ZC3H18: variants seen among roughly 807,000 people sequenced by gnomAD.
ZC3H18 encodes zinc finger CCCH domain-containing protein 18.
ZC3H18 carries 8 observed loss-of-function variants against 106.1 expected under a neutral mutation model. The observed-to-expected ratio is 0.08, with a 90% CI of 0.04 to 0.14. The LOEUF (loss-of-function observed/expected upper bound fraction) is 0.14, where lower values mean the gene tolerates loss of function less well. Among genes scored for constraint, ZC3H18 ranks in the 10% least tolerant of loss-of-function variants. The pLI, the probability that ZC3H18 is intolerant of heterozygous loss-of-function variation, is 1.00. For missense variants in ZC3H18, 1,318 were observed against 1,278.4 expected, an observed-to-expected ratio of 1.03 and a Z score of -0.47; for synonymous variants, 635 against 522.1, an observed-to-expected ratio of 1.22 and a Z score of -2.95.
At chr16:88,584,362 C>A (rs930076516) in intron 2 of ZC3H18, among the ~76,000 whole-genome samples, 1 of 150,236 alleles carries the variant, frequency 6.7e-6, no homozygotes, top group South Asian at 2.1e-4. Flanking sequence ...GCAGAGGTTG[C>A]AGTGAACCGA....
In ZC3H18 at chr16:88,577,734, T is replaced by C. The variant is rs761310056; in HGVS notation, c.603+8T>C. Reference sequence around the variant, plus strand: ...GATGATGGGGAAATAGACGTGAGTATGATGGAGCAGAGCGTCGCGGGGCAT... The same window carrying C: ...GATGATGGGGAAATAGACGTGAGTACGATGGAGCAGAGCGTCGCGGGGCAT... On this transcript the variant is annotated splice_region_variant and intron_variant, in intron 2 of 17. Transcript: ENST00000301011. 2 of 1,612,888 alleles carry C rather than the reference T, an allele frequency of 1.2e-6. No homozygotes were observed. Among genetic ancestry groups the C allele is most frequent in the Non-Finnish European group, 1.7e-6 (2 of 1,180,018 alleles).
chr16:88,577,250 G>C lies in ZC3H18; in HGVS notation c.127G>C (p.Val43Leu), dbSNP rs774887002. 6.2e-7 allele frequency: 1 copy of C among 1,613,510 alleles called. No homozygotes were observed. Among genetic ancestry groups the C allele is most frequent in the Non-Finnish European group, 8.5e-7 (1 of 1,179,854 alleles). ...GSDQDLDGAGVRASDLEDEES... is the reference protein window; with the variant it reads ...GSDQDLDGAGLRASDLEDEES... ...CGATCAGGATTTGGACGGGGCGGGGGTGAGGGCTTCTGATCTGGAGGATGA... is the reference window on the plus strand; with the variant it reads ...CGATCAGGATTTGGACGGGGCGGGGCTGAGGGCTTCTGATCTGGAGGATGA... The change falls in exon 2 of 18, where the codon GTG (valine) becomes CTG (leucine). Residue 43 changes from valine (V) to leucine (L), a missense_variant. Coordinates refer to ENST00000301011, the MANE Select transcript of ZC3H18 (RefSeq NM_144604.4).
chr16:88,599,665 C>T (rs1451602385), intron 5 of ZC3H18, 126 bp from the exon 6 acceptor site: 5 of 1,171,450 alleles, frequency 4.3e-6, no homozygotes, highest in Admixed American at 2.3e-5. Context: ...CCCTTGAGCA[C>T]TTGCAGCGTG....
Position 88,577,046 on chromosome 16 carries a change from A to T in ZC3H18, c.-14-64A>T, listed in dbSNP as rs568299014. 7.3e-5 allele frequency: 109 copies of T among 1,488,550 alleles called. 1 individual carries two copies. In the African/African-American group the frequency reaches 1.3e-3, roughly 17 times the overall value. The allele number at this position is 1,488,550 out of a possible 1,614,324, so 92.2% of individuals were successfully genotyped here. A position where few individuals can be genotyped will look rare whatever the true frequency, so the allele number is the denominator to read the frequency against. ...AAGTCCTGCTGCTTCAGGCCAGGAAAGTAGGGACAAGGTTTGTTTTCCATT... is the reference window on the plus strand; with the variant it reads ...AAGTCCTGCTGCTTCAGGCCAGGAATGTAGGGACAAGGTTTGTTTTCCATT... On this transcript the variant is annotated intron_variant, in intron 1 of 17. Transcript: ENST00000301011.
intron 8 of ZC3H18, among the ~76,000 whole-genome samples, chr16:88,618,110 TGTGA>T (rs1178662277): frequency 6.6e-6 from 1 of 152,142 alleles, no homozygotes; most frequent in African/African-American, 2.4e-5. Context: ...CTCTTGCAGG[TGTGA>T]GTGAGGCCGC....
intron 7 of ZC3H18, among the ~76,000 whole-genome samples, chr16:88,610,479 G>A (rs971815341): frequency 6.6e-6 from 1 of 152,186 alleles, no homozygotes; most frequent in African/African-American, 2.4e-5. Context: ...CCTGGGCAGG[G>A]TACCCTGGAA....
At chr16:88,621,738 G>A (rs538978919) in intron 8 of ZC3H18, among the ~76,000 whole-genome samples, 10 of 152,108 alleles carry the variant, frequency 6.6e-5, no homozygotes, top group Non-Finnish European at 1.0e-4. Flanking sequence ...TAATCCACCC[G>A]CCTCGTCCTC....
chr16:88,618,966 A>G (rs1905792269), intron 8 of ZC3H18, among the ~76,000 whole-genome samples: 2 of 152,056 alleles, frequency 1.3e-5, no homozygotes, highest in Admixed American at 1.3e-4. Context: ...TGGGGCACCC[A>G]TGTTGTGTGT....
intron 6 of ZC3H18, 143 bp downstream of exon 6, chr16:88,600,091 C>A: frequency 1.9e-6 from 2 of 1,075,184 alleles, no homozygotes; most frequent in Non-Finnish European, 1.3e-6. Context: ...TTCCTGAGAG[C>A]ATTCAGGCAC....
At chr16:88,600,066 G>GAGACTCCAGT in intron 6 of ZC3H18, 118 bp downstream of exon 6, 1 of 1,295,452 alleles carries the variant, frequency 7.7e-7, no homozygotes, top group Non-Finnish European at 1.1e-6. Context: ...CCCACTCACT[G>GAGACTCCAGT]GAGTCTCAGT....
At chr16:88,586,141 G>A (rs371516740) in intron 2 of ZC3H18, among the ~76,000 whole-genome samples, 85 of 152,300 alleles carry the variant, frequency 5.6e-4, no homozygotes, top group African/African-American at 1.9e-3. Flanking sequence ...GCCTCAAGGC[G>A]GGCCACTCCC....
intron 3 of ZC3H18, chr16:88,587,652 A>C: frequency 3.3e-6 from 5 of 1,505,738 alleles, no homozygotes; most frequent in Non-Finnish European, 4.5e-6. Flanking sequence ...CAGTACCTTA[A>C]AGTCCCCCTA....
At chr16:88,602,516 T>C (rs1365742223) in intron 6 of ZC3H18, among the ~76,000 whole-genome samples, 1 of 152,248 alleles carries the variant, frequency 6.6e-6, no homozygotes, top group Non-Finnish European at 1.5e-5. Flanking sequence ...CCAGGAAGAC[T>C]GAGTCTGAAA....
chr16:88,628,438 C>T (rs1906452841), intron 15 of ZC3H18, among the ~76,000 whole-genome samples: 1 of 152,192 alleles, frequency 6.6e-6, no homozygotes, highest in Middle Eastern at 3.2e-3. Context: ...CTGTCCTCAG[C>T]AGGACACATC....
intron 3 of ZC3H18, among the ~76,000 whole-genome samples, chr16:88,595,317 C>G (rs145084818): frequency 5.9e-5 from 9 of 152,332 alleles, no homozygotes; most frequent in Non-Finnish European, 1.3e-4. Flanking sequence ...CCTCCTTGTC[C>G]TCTTCTGGCC....
chr16:88,614,654 T>G (rs4782381), intron 8 of ZC3H18, among the ~76,000 whole-genome samples: 68,501 of 152,138 alleles, frequency 0.45, 15,727 homozygotes, highest in East Asian at 0.57. Flanking sequence ...ATTTCAGATG[T>G]TTTTAATCCT....
intron 3 of ZC3H18, among the ~76,000 whole-genome samples, chr16:88,597,682 G>C (rs1904512594): frequency 2.0e-5 from 3 of 152,210 alleles, no homozygotes; most frequent in South Asian, 4.1e-4. Flanking sequence ...TGCCCTGTGA[G>C]AGTTTTCTCT....
At position 88,611,327 on chromosome 16, in the gene ZC3H18, G is replaced by GCGGGAC. The variant is rs1049762142; in HGVS notation, c.1269_1274dup (p.Asp424_Arg425dup). 8 of 764,570 alleles carry GCGGGAC rather than the reference G, an allele frequency of 1.0e-5. No homozygotes were observed. Among genetic ancestry groups the GCGGGAC allele is most frequent in the African/African-American group, 1.7e-5 (1 of 57,966 alleles). 47.4% of individuals were successfully genotyped at this position (764,570 alleles called of 1,614,324 possible). On this transcript the variant is annotated inframe_insertion, in exon 8 of 18. Transcript: ENST00000301011. ...AGCGCGAGCGCGAGCGGGAGCGGGA[G>GCGGGAC]CGGGACCGAGAGCGGGAGCGCCGGC...
At chr16:88,631,031 C>A in intron 17 of ZC3H18, 70 bp from the exon 18 acceptor site, 1 of 1,589,122 alleles carries the variant, frequency 6.3e-7, no homozygotes, top group Non-Finnish European at 8.6e-7. Context: ...AGCGCCCCTA[C>A]GGGGAGGTCA....
Sources: allele counts gnomAD v4.1 joint callset (sites outside exome capture counted in the v4.1 genomes callset), GRCh38; gene constraint gnomAD v4.1.1; transcripts MANE v1.5; gene names NCBI Gene and HGNC (gene_info 2026-07-23, HGNC 2026-07-21).